The following HERC2 variants were observed in gnomAD, a reference collection of about 807,000 sequenced individuals.
The protein encoded by HERC2 is HECT and RLD domain containing E3 ubiquitin protein ligase 2.
HERC2 carries 102 observed loss-of-function variants against 537.7 expected under a neutral mutation model. The observed-to-expected ratio is 0.19, with a 90% CI of 0.16 to 0.22. HERC2 has a LOEUF of 0.22. HERC2 is among the 10% of genes least tolerant of loss of function. The pLI, the probability that HERC2 is intolerant of heterozygous loss-of-function variation, is 1.00. For synonymous variants in HERC2, 2,224 were observed against 2,466.2 expected, an observed-to-expected ratio of 0.90 and a Z score of 2.91; for missense variants, 4,236 against 6,198.2, an observed-to-expected ratio of 0.68 and a Z score of 10.63.
At chr15:28,140,393 T>C (rs1233933467) in intron 78 of HERC2, among the ~76,000 whole-genome samples, 1 of 152,190 alleles carries the variant, frequency 6.6e-6, no homozygotes, top group African/African-American at 2.4e-5. Context: ...ACAGCATTCA[T>C]TTAGAGACTA....
In HERC2 at chr15:28,198,822, G is replaced by A. The variant is rs1897609421; in HGVS notation, c.7717-53C>T. On this transcript the variant is annotated intron_variant, in intron 48 of 92. Coordinates refer to ENST00000261609, the MANE Select transcript of HERC2 (RefSeq NM_004667.6). ...AGTCCATCATGTACACAGGTGAAAT[G>A]AGCCATGATAAGTAGTATTACTCTA... is the stretch of plus-strand genomic sequence containing the variant. 1.4e-5 allele frequency: 21 copies of A among 1,478,308 alleles called. No individual in the cohort carries two copies. The South Asian group carries it at 2.6e-4, about 18-fold the overall frequency. The allele number at this position is 1,478,308 out of a possible 1,614,324, so 91.6% of individuals were successfully genotyped here.
chr15:28,214,758 G>C lies in HERC2; in HGVS notation c.6255C>G (p.Asp2085Glu), dbSNP rs1462032969. The C allele has an allele frequency of 6.2e-7, 1 of 1,611,756 alleles. No homozygotes were observed. The highest frequency in any genetic ancestry group is 8.5e-7 in the Non-Finnish European group (1 of 1,179,612). The change falls in exon 40 of 93, where the codon GAC becomes GAG. Residue 2085 changes from aspartate (D) to glutamate (E), a missense_variant. By Grantham distance (45) the Asp-to-Glu change is conservative. This residue lies in a region of HERC2 where 365 missense variants were observed against 468.8 expected (regional missense o/e 0.78). Coordinates refer to ENST00000261609, the MANE Select transcript of HERC2 (RefSeq NM_004667.6). ...HLLQAVLPSW[D>E]KTERARDMKC... is the part of the protein sequence containing the mutation. ...TCATGTCCCTCGCCCTTTCGGTCTT[G>C]TCCCATGATGGAAGGACTGCTTGCA...
chr15:28,296,867 T>TTCA (rs2076483610), intron 3 of HERC2, among the ~76,000 whole-genome samples: 1 of 151,920 alleles, frequency 6.6e-6, no homozygotes, highest in Non-Finnish European at 1.5e-5. Context: ...TGACCTCAGT[T>TTCA]TCAACACAAT....
At chr15:28,126,676 A>T (rs1889524293) in intron 83 of HERC2, among the ~76,000 whole-genome samples, 1 of 152,190 alleles carries the variant, frequency 6.6e-6, no homozygotes, top group Non-Finnish European at 1.5e-5. Flanking sequence ...ATGCAACGGC[A>T]TAAGAATGAC....
At chr15:28,297,749 A>T (rs1036509958) in intron 3 of HERC2, among the ~76,000 whole-genome samples, 3 of 152,168 alleles carry the variant, frequency 2.0e-5, no homozygotes, top group Non-Finnish European at 2.9e-5. Context: ...AAGAGTCATG[A>T]TAAAGATGTG....
intron 56 of HERC2, among the ~76,000 whole-genome samples, chr15:28,185,554 G>A (rs1896229791): frequency 6.6e-6 from 1 of 152,182 alleles, no homozygotes; most frequent in South Asian, 2.1e-4. Flanking sequence ...GTTTGCTGCT[G>A]GGATGGTAAA....
intron 2 of HERC2, among the ~76,000 whole-genome samples, chr15:28,316,730 G>A (rs1309584643): frequency 1.3e-5 from 2 of 152,278 alleles, no homozygotes; most frequent in Middle Eastern, 3.4e-3. Flanking sequence ...GAAAGCCTGA[G>A]AACAGAATTT....
rs779004257 is a variant in HERC2 at position 28,245,876 on chromosome 15, C to A, written c.3577+5G>T. ...CCTCAGTAAAACTCCTTTAAGACGC[C>A]GTACCCATTATGCCAGGCCAGGCTA... On this transcript the variant is annotated splice_donor_5th_base_variant and intron_variant, in intron 23 of 92. Coordinates refer to ENST00000261609, the MANE Select transcript of HERC2 (RefSeq NM_004667.6). 2 of 1,612,902 alleles carry A rather than the reference C, an allele frequency of 1.2e-6. No individual in the cohort carries two copies. Among genetic ancestry groups the A allele is most frequent in the Admixed American group, 3.3e-5 (2 of 59,890 alleles).
At chr15:28,228,067 G>A in intron 35 of HERC2, 151 bp downstream of exon 35, 1 of 704,680 alleles carries the variant, frequency 1.4e-6, no homozygotes, top group Non-Finnish European at 2.3e-6. Flanking sequence ...TGATACCGCT[G>A]AATTGTGACG....
intron 64 of HERC2, 123 bp from the exon 65 acceptor site, chr15:28,174,743 AG>A: frequency 1.3e-6 from 1 of 786,502 alleles, no homozygotes; most frequent in Non-Finnish European, 2.0e-6. Context: ...GAGTTCTTAA[AG>A]GTAAAAACAA....
intron 53 of HERC2, 51 bp downstream of exon 53, chr15:28,191,910 G>A: frequency 6.5e-7 from 1 of 1,530,164 alleles, no homozygotes; most frequent in South Asian, 1.2e-5. Flanking sequence ...AATGTACAAG[G>A]CAAAACCATC....
chr15:28,295,336 TG>T (rs1182536800), intron 3 of HERC2, among the ~76,000 whole-genome samples: 62 of 11,444 alleles, frequency 5.4e-3, no homozygotes, highest in African/African-American at 0.019. Context: ...GGGGAGGCGG[TG>T]GGGGGGTCAC....
intron 57 of HERC2, among the ~76,000 whole-genome samples, chr15:28,179,484 A>C (rs1196364478): frequency 2.0e-5 from 3 of 152,230 alleles, no homozygotes; most frequent in East Asian, 3.8e-4. Context: ...TGCTGGTGTC[A>C]ACAAGCCTCT....
intron 4 of HERC2, among the ~76,000 whole-genome samples, chr15:28,282,858 G>A (rs1258192431): frequency 1.3e-5 from 2 of 151,904 alleles, no homozygotes; most frequent in Non-Finnish European, 2.9e-5. Context: ...TTCGAACTAG[G>A]GAGGCGGCGG....
intron 2 of HERC2, among the ~76,000 whole-genome samples, chr15:28,314,872 A>C (rs1315995724): frequency 6.6e-6 from 1 of 152,146 alleles, no homozygotes; most frequent in African/African-American, 2.4e-5. Flanking sequence ...GGAAAAAAAA[A>C]AAAAAAATCA....
Position 28,116,690 on chromosome 15 carries a change from C to T in HERC2, c.13584G>A (p.Val4528=). The change falls in exon 88 of 93, where the codon GTG becomes GTA. Residue 4528 remains valine, a synonymous_variant. Coordinates refer to ENST00000261609, the MANE Select transcript of HERC2 (RefSeq NM_004667.6). ...CCAGGAAGCGGAACATGCTGCTGTGCACGGGTGCTCTGGCGGCCGGGCTGA... is the reference window on the plus strand; with the variant it reads ...CCAGGAAGCGGAACATGCTGCTGTGTACGGGTGCTCTGGCGGCCGGGCTGA... ...YLLSPAARAP[V]HSSMFRFLGV... The T allele has an allele frequency of 3.7e-6, 6 of 1,612,990 alleles. No individual in the cohort carries two copies. Among genetic ancestry groups the T allele is most frequent in the Non-Finnish European group, 5.1e-6 (6 of 1,179,580 alleles).
At chr15:28,289,687 G>A (rs1422820031) in intron 4 of HERC2, among the ~76,000 whole-genome samples, 2 of 152,206 alleles carry the variant, frequency 1.3e-5, no homozygotes, top group Admixed American at 6.5e-5. Flanking sequence ...GGTTAGTTTA[G>A]GATTGTGTTT....
chr15:28,157,380 T>G (rs1358006631), intron 69 of HERC2, among the ~76,000 whole-genome samples: 5 of 152,218 alleles, frequency 3.3e-5, no homozygotes, highest in Non-Finnish European at 7.3e-5. Flanking sequence ...GTCCTGGACT[T>G]TTTTTGGTTG....
At chr15:28,297,666 A>G (rs2141181774) in intron 3 of HERC2, among the ~76,000 whole-genome samples, 1 of 152,346 alleles carries the variant, frequency 6.6e-6, no homozygotes, top group Middle Eastern at 3.4e-3. Flanking sequence ...GCAATTTGTC[A>G]AATGCTGGAG....
Sources: gnomAD v4.1 joint callset for allele counts (sites outside exome capture counted in the v4.1 genomes callset) on GRCh38, gnomAD v4.1.1 for gene constraint, gnomAD v4.1.1 regional missense constraint, MANE v1.5 for transcripts, NCBI Gene and HGNC (gene_info 2026-07-23, HGNC 2026-07-21) for gene names.